The following ERC1 variants were observed in gnomAD, a reference collection of about 807,000 sequenced individuals.
The protein encoded by ERC1 is ELKS/RAB6-interacting/CAST family member 1, also known as RAB6 interacting protein 2.
A neutral mutation model predicts 132.0 loss-of-function variants in ERC1; 56 were observed. The observed-to-expected ratio is 0.42, with a 90% confidence interval of 0.34 to 0.53. The LOEUF is 0.53. ERC1 is among the 20% of genes least tolerant of loss of function. ERC1 has a pLI of 0.03. For synonymous variants in ERC1, 478 were observed against 476.1 expected (o/e 1.00, Z -0.05); for missense variants, 1,202 against 1,349.9 (o/e 0.89, Z 1.72).
At chr12:1,323,900 A>G (rs777565546) in intron 15 of ERC1, among the ~76,000 whole-genome samples, 2 of 152,142 alleles carry the variant, frequency 1.3e-5, no homozygotes, top group Non-Finnish European at 2.9e-5. Flanking sequence ...CACCCGTTTT[A>G]CCGGAATTTC....
At chr12:1,023,510 G>A (rs1439809620) in intron 1 of ERC1, among the ~76,000 whole-genome samples, 3 of 152,110 alleles carry the variant, frequency 2.0e-5, no homozygotes, top group Non-Finnish European at 4.4e-5. Context: ...GTGCATGTGA[G>A]GAGTATAAGT....
At chr12:1,483,750 C>T (rs558693714) in intron 18 of ERC1, among the ~76,000 whole-genome samples, 12 of 123,226 alleles carry the variant, frequency 9.7e-5, no homozygotes, top group Middle Eastern at 7.8e-3. Context: ...AGTGCAGTGG[C>T]GCGATCTCGC....
intron 15 of ERC1, among the ~76,000 whole-genome samples, chr12:1,370,764 C>T (rs983414423): frequency 2.6e-5 from 4 of 152,100 alleles, no homozygotes; most frequent in African/African-American, 9.7e-5. Context: ...CTTTGTCACC[C>T]ATGCTGGAGT....
intron 12 of ERC1, among the ~76,000 whole-genome samples, chr12:1,226,090 CTTTT>C (rs2074554175): frequency 6.6e-6 from 1 of 151,964 alleles, no homozygotes; most frequent in Non-Finnish European, 1.5e-5. Context: ...CATTATTTTT[CTTTT>C]TATTTCCTCT....
chr12:1,385,959 A>G (rs899333435), intron 16 of ERC1: 1 of 151,822 alleles, frequency 6.6e-6, no homozygotes, highest in Non-Finnish European at 1.5e-5. Context: ...AACATGAGCC[A>G]TGATTGACAG....
chr12:1,405,156 TAAATAAATAAATA>T lies in ERC1; in HGVS notation c.2926-2990_2926-2978del, dbSNP rs921758877. ...CTCCGGCTCAAAAAATATAAATAAATAAATAAATAAATAAATAAATAAATATAAATAAAATAAT... is the reference window on the plus strand; with the variant it reads ...CTCCGGCTCAAAAAATATAAATAAATAATAAATAAATATAAATAAAATAAT... On this transcript the variant is annotated intron_variant, in intron 16 of 18. Coordinates refer to ENST00000360905, the MANE Select transcript of ERC1 (RefSeq NM_178040.4). Among the ~76,000 whole-genome samples, 11 of 135,606 alleles carry T rather than the reference TAAATAAATAAATA, an allele frequency of 8.1e-5. No homozygotes were observed. The East Asian group carries it at 2.3e-3, about 28-fold the overall frequency. 89.0% of individuals were successfully genotyped at this position (135,606 alleles called of 152,430 possible).
chr12:1,375,227 C>T (rs1292500349), intron 16 of ERC1, among the ~76,000 whole-genome samples: 6 of 152,082 alleles, frequency 3.9e-5, no homozygotes, highest in African/African-American at 7.2e-5. Flanking sequence ...ACAATCATGG[C>T]GGAAGGTGAA....
In ERC1 at chr12:1,321,094, G is replaced by A. The variant is rs549187476; in HGVS notation, c.2780+31082G>A. On this transcript the variant is annotated intron_variant, in intron 15 of 18. Transcript: ENST00000360905. ...AGGGTATAAGAATATCCATGTGCAG[G>A]CACACATGGTAACATGGCGAGTGCG... Among the ~76,000 whole-genome samples the A allele has an allele frequency of 2.6e-5, 4 of 152,300 alleles. No homozygotes were observed. In the South Asian group the frequency reaches 6.2e-4, roughly 24 times the overall value.
rs1450225619 is a variant in ERC1 at position 1,305,819 on chromosome 12, A to G, written c.2780+15807A>G. On this transcript the variant is annotated intron_variant, in intron 15 of 18. Coordinates refer to ENST00000360905, the MANE Select transcript of ERC1 (RefSeq NM_178040.4). ...TTTCTTCCTGAAGTCTTCAAAATCC[A>G]TCAGATGGATTTGATTGTTGCTTTT... is the stretch of plus-strand genomic sequence containing the variant. Among the ~76,000 whole-genome samples the G allele has an allele frequency of 3.3e-5, 5 of 152,106 alleles. No homozygotes were observed. In the East Asian group the frequency reaches 9.6e-4, roughly 29 times the overall value.
At chr12:1,372,925 A>G (rs2087418762) in intron 16 of ERC1, among the ~76,000 whole-genome samples, 1 of 152,264 alleles carries the variant, frequency 6.6e-6, no homozygotes, top group Non-Finnish European at 1.5e-5. Flanking sequence ...TATTTAAACA[A>G]CAAAGTTATT....
At chr12:1,163,969 GCCT>G (rs1952116529) in intron 8 of ERC1, among the ~76,000 whole-genome samples, 1 of 152,168 alleles carries the variant, frequency 6.6e-6, no homozygotes, top group African/African-American at 2.4e-5. Flanking sequence ...GCCTGTCATG[GCCT>G]CCTGAAGTGC....
intron 17 of ERC1, among the ~76,000 whole-genome samples, chr12:1,443,121 G>A (rs1386474356): frequency 9.2e-5 from 14 of 151,992 alleles, no homozygotes; most frequent in Non-Finnish European, 1.9e-4. Context: ...GGATGGTCTC[G>A]ATCTCCTGAT....
intron 2 of ERC1, among the ~76,000 whole-genome samples, chr12:1,078,382 G>C (rs17756029): frequency 0.23 from 34,424 of 151,612 alleles, 4,318 homozygotes; most frequent in Middle Eastern, 0.28. Context: ...TTTAAAAGAT[G>C]ATGCTGGTAG....
chr12:1,223,263 A>G (rs897098758), intron 12 of ERC1, among the ~76,000 whole-genome samples: 1 of 152,190 alleles, frequency 6.6e-6, no homozygotes, highest in Non-Finnish European at 1.5e-5. Context: ...GAGCATCCAT[A>G]ATAGTTGTGA....
chr12:1,410,911 TAA>T (rs113063057), intron 17 of ERC1, among the ~76,000 whole-genome samples: 1 of 149,118 alleles, frequency 6.7e-6, no homozygotes, highest in African/African-American at 2.5e-5. Context: ...ACATGGTGTT[TAA>T]AAAAAAAACT....
chr12:1,060,459 G>T lies in ERC1; in HGVS notation c.670-22705G>T, dbSNP rs1161246812. Among the ~76,000 whole-genome samples the T allele has an allele frequency of 2.0e-5, 3 of 152,032 alleles. 1 individual carries two copies. Among genetic ancestry groups the T allele is most frequent in the African/African-American group, 7.2e-5 (3 of 41,384 alleles). On this transcript the variant is annotated intron_variant, in intron 2 of 18. Transcript: ENST00000360905. Reference sequence around the variant, plus strand: ...TTTTGTCCTTGTGATAGTTTACTGAGAATGATGGTTTCCAGTTGCATCCAT... The same window carrying T: ...TTTTGTCCTTGTGATAGTTTACTGATAATGATGGTTTCCAGTTGCATCCAT...
At chr12:1,080,895 C>T (rs923250324) in intron 2 of ERC1, among the ~76,000 whole-genome samples, 4 of 150,724 alleles carry the variant, frequency 2.7e-5, no homozygotes, top group Non-Finnish European at 4.4e-5. Flanking sequence ...TTATCAGCAG[C>T]GTGAAAACGA....
At chr12:1,303,207 G>A (rs1186036922) in intron 15 of ERC1, among the ~76,000 whole-genome samples, 1 of 152,188 alleles carries the variant, frequency 6.6e-6, no homozygotes, top group Non-Finnish European at 1.5e-5. Flanking sequence ...CTTAAAATAA[G>A]ACAGTAATAA....
intron 15 of ERC1, among the ~76,000 whole-genome samples, chr12:1,308,156 A>C (rs927123568): frequency 6.6e-6 from 1 of 151,954 alleles, no homozygotes; most frequent in African/African-American, 2.4e-5. Context: ...GTGGGCTGCC[A>C]AACAGTCATG....
Sources: gnomAD v4.1 joint callset for allele counts (sites outside exome capture counted in the v4.1 genomes callset) on GRCh38, gnomAD v4.1.1 for gene constraint, MANE v1.5 for transcripts, NCBI Gene and HGNC (gene_info 2026-07-23, HGNC 2026-07-21) for gene names.